The following SYNE2 variants were observed in gnomAD, a reference collection of about 807,000 sequenced individuals.
The protein encoded by SYNE2 is nesprin-2.
A neutral mutation model predicts 856.3 loss-of-function variants in SYNE2; 431 were observed. That is an observed-to-expected ratio of 0.50 (90% CI 0.47 to 0.55). The LOEUF (loss-of-function observed/expected upper bound fraction) is 0.55. SYNE2 is among the 20% of genes least tolerant of loss of function. The probability of loss-of-function intolerance (pLI) is 0.00; values close to 1 mark genes in which losing one functional copy is unlikely to be tolerated. For synonymous variants in SYNE2, 2,923 were observed against 2,872.3 expected, an observed-to-expected ratio of 1.02 and a Z score of -0.56; for missense variants, 8,129 against 8,023.2, an observed-to-expected ratio of 1.01 and a Z score of -0.50.
In SYNE2 at chr14:63,968,905, C is replaced by T. The variant is rs147688075; in HGVS notation, c.1128+1059C>T. On this transcript the variant is annotated intron_variant, in intron 11 of 115. Transcript: ENST00000555002. ...TTAAGTTATTATTGACTGTAGTCAC[C>T]GTGTTGTGCTATCAAATAGTAGGTC... is the stretch of plus-strand genomic sequence containing the variant. Among the ~76,000 whole-genome samples, 881 of 152,206 alleles carry T rather than the reference C, an allele frequency of 5.8e-3. 6 individuals are homozygous for T. Among genetic ancestry groups the T allele is most frequent in the African/African-American group, 0.02 (845 of 41,520 alleles).
intron 1 of SYNE2, among the ~76,000 whole-genome samples, chr14:63,784,819 T>C (rs1887452608): frequency 6.6e-6 from 1 of 151,582 alleles, no homozygotes; most frequent in African/African-American, 2.4e-5. Flanking sequence ...AAAATAAAAA[T>C]ATATAAATAA....
At chr14:64,202,768 T>C (rs2098580706) in intron 99 of SYNE2, 33 bp from the exon 100 acceptor site, 1 of 1,613,880 alleles carries the variant, frequency 6.2e-7, no homozygotes, top group South Asian at 1.1e-5. Context: ...GGTTTTTTTT[T>C]GTTTCGTTTT....
chr14:64,139,557 G>A (rs567996423), intron 79 of SYNE2, among the ~76,000 whole-genome samples: 1 of 151,976 alleles, frequency 6.6e-6, no homozygotes, highest in Admixed American at 6.6e-5. Flanking sequence ...GACTACAGGC[G>A]CCTGCCACCA....
intron 1 of SYNE2, among the ~76,000 whole-genome samples, chr14:63,856,682 C>T (rs574191995): frequency 1.3e-5 from 2 of 152,132 alleles, no homozygotes; most frequent in Non-Finnish European, 2.9e-5. Context: ...AGACAAAATG[C>T]TTGCTTTCAC....
intron 96 of SYNE2, among the ~76,000 whole-genome samples, chr14:64,182,596 C>G (rs1034037723): frequency 2.6e-5 from 4 of 151,702 alleles, no homozygotes; most frequent in African/African-American, 4.8e-5. Flanking sequence ...TGACTCTTAA[C>G]GAGCATGCTG....
rs757385673 is a variant in SYNE2 at position 64,219,359 on chromosome 14, A to G, written c.19809A>G (p.Ala6603=). The change falls in exon 110 of 116, where the codon GCA becomes GCG. Residue 6603 remains alanine, a synonymous_variant. Transcript: ENST00000555002. ...CAGAGCTGGAAATGTTAAAGATGGCAAAGCCTCCCTCTGATATCCAGGAAA... is the reference window on the plus strand; with the variant it reads ...CAGAGCTGGAAATGTTAAAGATGGCGAAGCCTCCCTCTGATATCCAGGAAA... The part of the protein sequence containing the change: ...TEAELEMLKM[A]KPPSDIQEIE... 2 of 1,614,164 alleles carry G rather than the reference A, an allele frequency of 1.2e-6. No individual in the cohort carries two copies. The highest frequency in any genetic ancestry group is 1.1e-5 in the South Asian group (1 of 91,088).
intron 81 of SYNE2, 118 bp from the exon 82 acceptor site, chr14:64,141,824 A>G: frequency 1.8e-6 from 2 of 1,122,178 alleles, no homozygotes; most frequent in East Asian, 3.1e-5. Flanking sequence ...TTTTTTTTTG[A>G]GTAACCTGCA....
At chr14:64,122,884 C>T (rs903334954) in intron 70 of SYNE2, among the ~76,000 whole-genome samples, 1 of 152,100 alleles carries the variant, frequency 6.6e-6, no homozygotes, top group South Asian at 2.1e-4. Context: ...AGGTGGATCA[C>T]CTGAGGTCAG....
intron 8 of SYNE2, among the ~76,000 whole-genome samples, chr14:63,959,019 C>G (rs2096274772): frequency 6.6e-6 from 1 of 152,144 alleles, no homozygotes; most frequent in African/African-American, 2.4e-5. Flanking sequence ...TCTGGCCTGA[C>G]AAGACGCTGC....
rs917342462 is a variant in SYNE2 at position 63,810,271 on chromosome 14, A to T, written c.-304-42230A>T. The stretch of plus-strand genomic sequence containing the variant: ...GAGAAAGAAAAAAGAAAGATGTTTA[A>T]CTGATTAGCAGTATCTGATACATTA... On this transcript the variant is annotated intron_variant, in intron 1 of 23. Transcript: ENST00000674003. 7.9e-5 allele frequency among the ~76,000 whole-genome samples: 12 copies of T among 152,198 alleles called. No homozygotes were observed. In the East Asian group the frequency reaches 2.3e-3, roughly 29 times the overall value.
rs766107495 is a variant in SYNE2, at chr14:64,163,352, T to C, written c.16300-50T>C. 6 of 1,606,450 alleles carry C rather than the reference T, an allele frequency of 3.7e-6. No individual in the cohort carries two copies. In the South Asian group the frequency reaches 5.5e-5, roughly 15 times the overall value. ...GATGGAGCAGCAGCGGGTAGGGAAT[T>C]GTGGTTTGAAAGGAGGAAGAGGTGT... On this transcript the variant is annotated intron_variant, in intron 88 of 115. Transcript: ENST00000555002.
chr14:64,063,073 A>T lies in SYNE2; in HGVS notation c.10212+178A>T, dbSNP rs72718393. On this transcript the variant is annotated intron_variant, in intron 50 of 115. Coordinates refer to ENST00000555002, the MANE Select transcript of SYNE2 (RefSeq NM_182914.3). ...GAGTAATGTTTTATATATATTTGAG[A>T]CACAGTCTTGCCCAGGCTGGAGTGC... 0.074 allele frequency among the ~76,000 whole-genome samples: 11,315 copies of T among 152,220 alleles called. 696 individuals carry two copies. The highest frequency in any genetic ancestry group is 0.17 in the African/African-American group (7,038 of 41,512).
intron 1 of SYNE2, among the ~76,000 whole-genome samples, chr14:63,857,624 G>GT (rs1892184913): frequency 1.3e-5 from 2 of 152,190 alleles, no homozygotes; most frequent in Non-Finnish European, 2.9e-5. Flanking sequence ...CTTGCCAACA[G>GT]TTGGGGTGGT....
chr14:64,113,469 C>T lies in SYNE2; in HGVS notation c.12738C>T (p.Ala4246=), dbSNP rs143927906. ...TGCATGCCTGCAAGACCCAGGTGGCCGAGCTGGAGCTGTGGCTGCAACAAG... is the reference window on the plus strand; with the variant it reads ...TGCATGCCTGCAAGACCCAGGTGGCTGAGCTGGAGCTGTGGCTGCAACAAG... The part of the protein sequence containing the change: ...EVLHACKTQV[A]ELELWLQQAN... The change falls in exon 66 of 116, where the codon GCC becomes GCT. Residue 4246 remains alanine (A), a synonymous_variant. Transcript: ENST00000555002. The T allele has an allele frequency of 4.9e-5, 79 of 1,613,982 alleles. No individual in the cohort carries two copies. The highest frequency in any genetic ancestry group is 2.6e-4 in the South Asian group (24 of 91,064).
intron 19 of SYNE2, among the ~76,000 whole-genome samples, chr14:63,990,077 G>T (rs940361992): frequency 6.6e-6 from 1 of 152,106 alleles, no homozygotes; most frequent in African/African-American, 2.4e-5. Flanking sequence ...AACATTTATT[G>T]AATTCTCCTC....
At chr14:63,953,940 G>A (rs1445523815) in intron 7 of SYNE2, among the ~76,000 whole-genome samples, 4 of 151,800 alleles carry the variant, frequency 2.6e-5, no homozygotes, top group Admixed American at 2.6e-4. Context: ...TTTTGAGGCA[G>A]TCTCATTCTG....
chr14:64,079,021 G>A (rs536107116), intron 55 of SYNE2, among the ~76,000 whole-genome samples: 9 of 152,258 alleles, frequency 5.9e-5, no homozygotes, highest in African/African-American at 1.4e-4. Flanking sequence ...GCAATGAGCC[G>A]AGATCATGTC....
rs528002229 is a variant in SYNE2, at chr14:64,219,104, G to GTTTTTTTTTTTT, written c.19658-95_19658-84dup. On this transcript the variant is annotated intron_variant, in intron 109 of 115. Coordinates refer to ENST00000555002, the MANE Select transcript of SYNE2 (RefSeq NM_182914.3). ...CAGGGGAATCCCCTACAGTTTTTTTGTTTTTTTTTTTTTTTTTTTTAACCA... is the reference window on the plus strand; with the variant it reads ...CAGGGGAATCCCCTACAGTTTTTTTGTTTTTTTTTTTTTTTTTTTTTTTTTTTTTTTTAACCA... 966 of 408,778 alleles carry GTTTTTTTTTTTT rather than the reference G, an allele frequency of 2.4e-3. 83 individuals are homozygous for GTTTTTTTTTTTT. Among genetic ancestry groups the GTTTTTTTTTTTT allele is most frequent in the East Asian group, 7.8e-3 (134 of 17,242 alleles). The allele number at this position is 408,778 out of a possible 1,614,324, so 25.3% of individuals were successfully genotyped here.
At position 64,064,579 on chromosome 14, in the gene SYNE2, G is replaced by A. The variant is rs191537364; in HGVS notation, c.10213-853G>A. 1.1e-3 allele frequency among the ~76,000 whole-genome samples: 161 copies of A among 143,292 alleles called. 4 individuals carry two copies. In the South Asian group the frequency reaches 0.017, roughly 15 times the overall value. The allele number at this position is 143,292 out of a possible 152,430, so 94.0% of individuals were successfully genotyped here. On this transcript the variant is annotated intron_variant, in intron 50 of 115. Transcript: ENST00000555002. ...TTTTTTTTTTTTTTAAATAAGACAG[G>A]GTCTTGTTCTGTCACCCAGGCTGGA...
Sources: gnomAD v4.1 joint callset for allele counts (sites outside exome capture counted in the v4.1 genomes callset) on GRCh38, gnomAD v4.1.1 for gene constraint, MANE v1.5 for transcripts, NCBI Gene and HGNC (gene_info 2026-07-23, HGNC 2026-07-21) for gene names.